SYT1: variants seen among roughly 807,000 people sequenced by gnomAD.
SYT1 encodes synaptotagmin 1.
In SYT1, 8 loss-of-function variants were observed where a neutral mutation model predicts 44.8. The ratio of observed to expected loss-of-function variants is 0.18; its 90% CI spans 0.10 to 0.32. SYT1 has a LOEUF of 0.32. SYT1 is among the 10% of genes least tolerant of loss of function. The pLI is 1.00. For synonymous variants in SYT1, 154 were observed against 188.8 expected, an observed-to-expected ratio of 0.82 and a Z score of 1.51; for missense variants, 286 against 509.3, an observed-to-expected ratio of 0.56 and a Z score of 4.22.
At chr12:79,345,943 A>G (rs1882587529) in intron 8 of SYT1, among the ~76,000 whole-genome samples, 1 of 152,166 alleles carries the variant, frequency 6.6e-6, no homozygotes, top group South Asian at 2.1e-4. Flanking sequence ...AAAACCATCT[A>G]CTCATCAAAG....
At chr12:78,950,977 C>T (rs766214789) in intron 1 of SYT1, among the ~76,000 whole-genome samples, 31 of 152,134 alleles carry the variant, frequency 2.0e-4, no homozygotes, top group Admixed American at 6.6e-4. Context: ...ATTGACATCA[C>T]CCATGGACAT....
intron 3 of SYT1, among the ~76,000 whole-genome samples, chr12:79,198,975 T>C (rs951449094): frequency 6.6e-6 from 1 of 152,188 alleles, no homozygotes; most frequent in African/African-American, 2.4e-5. Context: ...ATTTTTGGAA[T>C]GACAAACCTT....
chr12:79,188,768 G>A (rs1872944638), intron 3 of SYT1, among the ~76,000 whole-genome samples: 4 of 152,048 alleles, frequency 2.6e-5, no homozygotes, highest in Admixed American at 2.0e-4. Flanking sequence ...AGTAAGGAGA[G>A]AAAATAGTTA....
intron 3 of SYT1, among the ~76,000 whole-genome samples, chr12:79,088,750 G>A (rs1877564219): frequency 6.7e-6 from 1 of 149,536 alleles, no homozygotes; most frequent in Non-Finnish European, 1.5e-5. Flanking sequence ...GTGTGTGTGT[G>A]TGTGTGTGTG....
chr12:79,217,787 A>G, intron 4 of SYT1, 102 bp downstream of exon 4: 2 of 870,034 alleles, frequency 2.3e-6, no homozygotes, highest in Non-Finnish European at 1.6e-6. Context: ...ATAAATTTAC[A>G]TTTAATTTAT....
chr12:79,449,161 T>G lies in SYT1; in HGVS notation c.*37T>G. 6.4e-7 allele frequency: 1 copy of G among 1,561,220 alleles called. No homozygotes were observed. Among genetic ancestry groups the G allele is most frequent in the East Asian group, 2.4e-5 (1 of 41,980 alleles). ...AGCCTTTCTGCATTTGCCCATATAG[T>G]GCTCTTTAGCCAGTATCTGTAAATA... On this transcript the variant is annotated 3_prime_UTR_variant, in exon 11 of 11. Transcript: ENST00000261205.
intron 3 of SYT1, among the ~76,000 whole-genome samples, chr12:79,109,415 A>G (rs946336782): frequency 2.6e-5 from 4 of 152,198 alleles, no homozygotes; most frequent in Non-Finnish European, 5.9e-5. Context: ...ATGAATGTCC[A>G]GGATGGTGGG....
chr12:78,994,782 G>A (rs955069219), intron 2 of SYT1, among the ~76,000 whole-genome samples: 11 of 152,082 alleles, frequency 7.2e-5, no homozygotes, highest in East Asian at 3.9e-4. Flanking sequence ...TGATCCACCC[G>A]CCTCGGCCTC....
chr12:79,327,789 T>C (rs1217424236), intron 8 of SYT1, among the ~76,000 whole-genome samples: 3 of 152,126 alleles, frequency 2.0e-5, no homozygotes, highest in African/African-American at 7.2e-5. Flanking sequence ...AAATTTGAAA[T>C]GAGTTCTAAA....
At chr12:79,201,937 G>C (rs996659565) in intron 3 of SYT1, among the ~76,000 whole-genome samples, 1 of 152,056 alleles carries the variant, frequency 6.6e-6, no homozygotes, top group African/African-American at 2.4e-5. Context: ...TGATCAGTAA[G>C]TATGAAAAAA....
intron 8 of SYT1, among the ~76,000 whole-genome samples, chr12:79,305,735 G>A (rs1010936981): frequency 1.3e-5 from 2 of 152,054 alleles, no homozygotes; most frequent in Non-Finnish European, 2.9e-5. Context: ...TCACTCTATC[G>A]CCCAGGCTAG....
intron 1 of SYT1, among the ~76,000 whole-genome samples, chr12:78,912,666 C>T (rs918122839): frequency 6.6e-6 from 1 of 151,792 alleles, no homozygotes; most frequent in Non-Finnish European, 1.5e-5. Context: ...ATAACAGGAA[C>T]TTTTTAAAAA....
intron 3 of SYT1, among the ~76,000 whole-genome samples, chr12:79,179,179 T>TAG (rs1405241106): frequency 4.6e-5 from 2 of 43,622 alleles, no homozygotes; most frequent in African/African-American, 8.4e-5. Context: ...GATATAGATA[T>TAG]ATAGATATAG....
intron 1 of SYT1, among the ~76,000 whole-genome samples, chr12:78,921,443 G>A (rs1876993933): frequency 6.6e-6 from 1 of 151,932 alleles, no homozygotes; most frequent in South Asian, 2.1e-4. Flanking sequence ...AATATTTAAG[G>A]AGAGACTTTA....
At chr12:79,214,518 T>C (rs1052440093) in intron 3 of SYT1, among the ~76,000 whole-genome samples, 5 of 152,200 alleles carry the variant, frequency 3.3e-5, no homozygotes, top group Non-Finnish European at 5.9e-5. Context: ...AAACTATATG[T>C]AGAAATTTTT....
chr12:79,092,915 G>T (rs181008710), intron 3 of SYT1, among the ~76,000 whole-genome samples: 24 of 151,624 alleles, frequency 1.6e-4, no homozygotes, highest in Admixed American at 4.6e-4. Context: ...AATGTGTTGT[G>T]GCACACAACG....
intron 3 of SYT1, among the ~76,000 whole-genome samples, chr12:79,077,155 C>G (rs1440361882): frequency 6.6e-6 from 1 of 152,070 alleles, no homozygotes; most frequent in Non-Finnish European, 1.5e-5. Flanking sequence ...TTGGATAAAG[C>G]CTTATTCCTG....
chr12:78,962,705 G>C (rs1398573646), intron 1 of SYT1, among the ~76,000 whole-genome samples: 1 of 152,036 alleles, frequency 6.6e-6, no homozygotes, highest in African/African-American at 2.4e-5. Context: ...CAAGGAATTT[G>C]ATTAATCAGA....
intron 9 of SYT1, among the ~76,000 whole-genome samples, chr12:79,394,345 A>G (rs1251431846): frequency 6.6e-6 from 1 of 152,238 alleles, no homozygotes; most frequent in Non-Finnish European, 1.5e-5. Context: ...CTGGGAAGAA[A>G]AAATTGAAAA....
Sources: allele counts gnomAD v4.1 joint callset (sites outside exome capture counted in the v4.1 genomes callset), GRCh38; gene constraint gnomAD v4.1.1; transcripts MANE v1.5; gene names NCBI Gene and HGNC (gene_info 2026-07-23, HGNC 2026-07-21).